HDAC9: variants seen among roughly 807,000 people sequenced by gnomAD.
HDAC9 encodes the protein MEF-2 interacting transcription repressor (MITR) protein.
A neutral mutation model predicts 139.4 loss-of-function variants in HDAC9; 41 were observed. That is an observed-to-expected ratio of 0.29 (90% CI 0.23 to 0.38). The LOEUF (loss-of-function observed/expected upper bound fraction) is 0.38. Among genes scored for constraint, HDAC9 ranks in the 10% least tolerant of loss-of-function variants. The probability of loss-of-function intolerance (pLI) is 1.00; values close to 1 mark genes in which losing one functional copy is unlikely to be tolerated. For synonymous variants in HDAC9, 517 were observed against 476.2 expected (o/e 1.09, Z -1.12); for missense variants, 1,147 against 1,297.0 (o/e 0.88, Z 1.78).
intron 1 of HDAC9, among the ~76,000 whole-genome samples, chr7:18,439,584 T>G (rs1408704643): frequency 2.0e-5 from 3 of 152,176 alleles, no homozygotes; most frequent in African/African-American, 7.2e-5. Flanking sequence ...AATTTTTGGC[T>G]CAAAAACTTC....
chr7:18,206,930 C>CTTTTTTTTT (rs58248823), intron 2 of HDAC9, among the ~76,000 whole-genome samples: 7 of 124,546 alleles, frequency 5.6e-5, no homozygotes, highest in Non-Finnish European at 8.5e-5. Flanking sequence ...GATATCTTTT[C>CTTTTTTTTT]TTTTTTTTTT....
chr7:18,509,606 A>C (rs1476240215), intron 2 of HDAC9, among the ~76,000 whole-genome samples: 2 of 152,092 alleles, frequency 1.3e-5, no homozygotes, highest in African/African-American at 2.4e-5. Flanking sequence ...CCTTCTTCTG[A>C]GATACCTTAA....
chr7:18,423,013 G>A (rs929435629), intron 1 of HDAC9, among the ~76,000 whole-genome samples: 4 of 152,120 alleles, frequency 2.6e-5, no homozygotes, highest in African/African-American at 9.7e-5. Context: ...TCTATCAAAA[G>A]TTATTTTATA....
chr7:18,858,773 A>G (rs1314035014), intron 21 of HDAC9, among the ~76,000 whole-genome samples: 2 of 152,162 alleles, frequency 1.3e-5, no homozygotes, highest in Non-Finnish European at 2.9e-5. Context: ...TGCAGTTGGA[A>G]TTGTACCTGG....
At position 18,892,983 on chromosome 7, in the gene HDAC9, T is replaced by C. The variant is rs76375625; in HGVS notation, c.2803+18387T>C. ...GTTGCTTCTCATATTTGGCCTTCCT[T>C]CTGCAGCTGTGTTGAGAGCTTATAC... On this transcript the variant is annotated intron_variant, in intron 22 of 25. Coordinates refer to ENST00000686413, the MANE Select transcript of HDAC9 (RefSeq NM_178425.4). 7.1e-3 allele frequency among the ~76,000 whole-genome samples: 959 copies of C among 135,234 alleles called. 25 individuals carry two copies. Among genetic ancestry groups the C allele is most frequent in the Admixed American group, 0.053 (615 of 11,692 alleles). 88.7% of individuals were successfully genotyped at this position (135,234 alleles called of 152,430 possible). A position where few individuals can be genotyped will look rare whatever the true frequency, so the allele number is the denominator to read the frequency against.
chr7:18,494,840 T>C (rs1796664090), upstream of HDAC9, among the ~76,000 whole-genome samples: 1 of 152,086 alleles, frequency 6.6e-6, no homozygotes, highest in African/African-American at 2.4e-5. Flanking sequence ...GCTCAGAAAT[T>C]CTGTATCCAT....
chr7:18,640,901 G>T (rs964874034), intron 8 of HDAC9, among the ~76,000 whole-genome samples: 1 of 152,004 alleles, frequency 6.6e-6, no homozygotes, highest in African/African-American at 2.4e-5. Flanking sequence ...ACAGCTTAAT[G>T]AGATAATTTC....
intron 11 of HDAC9, among the ~76,000 whole-genome samples, chr7:18,665,258 A>G (rs892880305): frequency 3.3e-5 from 5 of 152,158 alleles, no homozygotes; most frequent in Admixed American, 2.6e-4. Flanking sequence ...GACTTAGCAG[A>G]AAACTTAGCA....
At chr7:18,136,819 A>C (rs1249831891) in intron 1 of HDAC9, among the ~76,000 whole-genome samples, 1 of 151,820 alleles carries the variant, frequency 6.6e-6, no homozygotes, top group African/African-American at 2.4e-5. Flanking sequence ...ACTTTAAAGT[A>C]GTTTTTTCCA....
chr7:18,750,290 G>T (rs1788329908), intron 14 of HDAC9, among the ~76,000 whole-genome samples: 1 of 152,000 alleles, frequency 6.6e-6, no homozygotes, highest in South Asian at 2.1e-4. Context: ...TTTAAAGGGT[G>T]GATAATATAT....
At chr7:18,786,615 T>TTCCCTCCC (rs796497256) in intron 16 of HDAC9, among the ~76,000 whole-genome samples, 112 of 32,266 alleles carry the variant, frequency 3.5e-3, no homozygotes, top group Non-Finnish European at 4.5e-3. Flanking sequence ...CCTTCCTTCC[T>TTCCCTCCC]TCCCTCCCTC....
intron 22 of HDAC9, among the ~76,000 whole-genome samples, chr7:18,896,556 T>C (rs1011977668): frequency 6.6e-6 from 1 of 152,106 alleles, no homozygotes; most frequent in African/African-American, 2.4e-5. Flanking sequence ...ATTTCACTTA[T>C]GCTGTTAAAA....
intron 1 of HDAC9, among the ~76,000 whole-genome samples, chr7:18,351,685 G>A (rs747648960): frequency 3.3e-5 from 5 of 152,176 alleles, no homozygotes; most frequent in Non-Finnish European, 7.3e-5. Context: ...GTAAAAAAAG[G>A]TGAATGATAG....
chr7:18,111,204 A>G (rs1783599244), intron 1 of HDAC9, among the ~76,000 whole-genome samples: 1 of 152,218 alleles, frequency 6.6e-6, no homozygotes, highest in South Asian at 2.1e-4. Context: ...TAGTAAGTAT[A>G]GAAGAAGGGG....
chr7:18,988,744 C>G (rs1785598759), intron 25 of HDAC9, among the ~76,000 whole-genome samples: 1 of 151,496 alleles, frequency 6.6e-6, no homozygotes, highest in African/African-American at 2.4e-5. Flanking sequence ...AATCTGGGTG[C>G]CCCTGTATTG....
intron 2 of HDAC9, among the ~76,000 whole-genome samples, chr7:18,558,262 A>T (rs1476352570): frequency 1.3e-5 from 2 of 152,192 alleles, no homozygotes; most frequent in East Asian, 3.8e-4. Context: ...ATAAATAAAC[A>T]TTGCAATTTA....
Position 18,191,967 on chromosome 7 carries a change from A to T in HDAC9, c.25+29618A>T, listed in dbSNP as rs148159744. 5.3e-5 allele frequency among the ~76,000 whole-genome samples: 8 copies of T among 152,330 alleles called. No individual in the cohort carries two copies. In the East Asian group the frequency reaches 1.5e-3, roughly 29 times the overall value. ...CATTATACGTGCTTTCTAAGCTATGACGAGAAGACATAAACAAGGTCTTTC... is the reference window on the plus strand; with the variant it reads ...CATTATACGTGCTTTCTAAGCTATGTCGAGAAGACATAAACAAGGTCTTTC... On this transcript the variant is annotated intron_variant, in intron 2 of 12. Transcript: ENST00000417496.
chr7:18,192,779 C>T (rs375369102), intron 2 of HDAC9, among the ~76,000 whole-genome samples: 7 of 152,058 alleles, frequency 4.6e-5, no homozygotes, highest in Admixed American at 1.3e-4. Context: ...AATGCACACA[C>T]GTTGTAACAT....
chr7:18,724,692 C>G (rs546984879), intron 12 of HDAC9, among the ~76,000 whole-genome samples: 28 of 152,246 alleles, frequency 1.8e-4, no homozygotes, highest in African/African-American at 6.5e-4. Context: ...TTATAATCTT[C>G]TGGGCCCAGT....
Sources: gnomAD v4.1 joint callset for allele counts (sites outside exome capture counted in the v4.1 genomes callset) on GRCh38, gnomAD v4.1.1 for gene constraint, MANE v1.5 for transcripts, NCBI Gene and HGNC (gene_info 2026-07-23, HGNC 2026-07-21) for gene names.